The following PTPN4 variants were observed in gnomAD, a reference collection of about 807,000 sequenced individuals.
The protein encoded by PTPN4 is tyrosine-protein phosphatase non-receptor type 4.
In PTPN4, 49 loss-of-function variants were observed where a neutral mutation model predicts 135.5. The observed-to-expected ratio is 0.36, with a 90% CI of 0.29 to 0.46. The LOEUF (loss-of-function observed/expected upper bound fraction) is 0.46. PTPN4 is among the 20% of genes least tolerant of loss of function. The pLI, the probability that PTPN4 is intolerant of heterozygous loss-of-function variation, is 1.00. For missense variants in PTPN4, 860 were observed against 1,101.0 expected (o/e 0.78, Z 3.10); for synonymous variants, 333 against 369.9 (o/e 0.90, Z 1.14).
At chr2:119,966,492 A>G (rs1277291561) in intron 25 of PTPN4, among the ~76,000 whole-genome samples, 1 of 152,196 alleles carries the variant, frequency 6.6e-6, no homozygotes, top group Non-Finnish European at 1.5e-5. Context: ...TCCTGGGCTC[A>G]AGGGATCCAC....
Position 119,898,061 on chromosome 2 carries a change from A to G in PTPN4, c.676-2657A>G, listed in dbSNP as rs577851296. On this transcript the variant is annotated intron_variant, in intron 9 of 26. Transcript: ENST00000263708. ...GCATGTTAGTGTGTTTTGCAAAAGC[A>G]TCAGTAGCTGACAGATTGGAAACTT... Among the ~76,000 whole-genome samples the G allele has an allele frequency of 2.0e-5, 3 of 152,344 alleles. No individual in the cohort carries two copies. In the East Asian group the frequency reaches 5.8e-4, roughly 29 times the overall value.
At chr2:119,831,986 G>A (rs1289313277) in intron 2 of PTPN4, among the ~76,000 whole-genome samples, 3 of 152,008 alleles carry the variant, frequency 2.0e-5, no homozygotes, top group Non-Finnish European at 4.4e-5. Context: ...TTAAGTTATT[G>A]TTTTGTTTTT....
At chr2:119,950,521 C>G (rs991269267) in intron 18 of PTPN4, among the ~76,000 whole-genome samples, 1 of 152,190 alleles carries the variant, frequency 6.6e-6, no homozygotes, top group Non-Finnish European at 1.5e-5. Flanking sequence ...TCAGAAGCAG[C>G]AGAGTAACTT....
In PTPN4 at chr2:119,760,733, CTTT is replaced by C. The variant is rs59953430; in HGVS notation, c.-18+369_-18+371del. Among the ~76,000 whole-genome samples, 283 of 79,906 alleles carry C rather than the reference CTTT, an allele frequency of 3.5e-3. 1 individual carries two copies. The highest frequency in any genetic ancestry group is 0.013 in the Middle Eastern group (1 of 76). 52.4% of individuals were successfully genotyped at this position (79,906 alleles called of 152,430 possible). ...GAGTTTTCCATTGCTGGTAGAATTC[CTTT>C]TTTTTTTTTTTTTTTTTTTGGCTCA... On this transcript the variant is annotated intron_variant, in intron 1 of 26. Transcript: ENST00000263708.
chr2:119,942,265 A>G (rs190353188), intron 15 of PTPN4, among the ~76,000 whole-genome samples: 1 of 152,164 alleles, frequency 6.6e-6, no homozygotes, highest in African/African-American at 2.4e-5. Context: ...TGTCCCTCTC[A>G]TGTAACTGAG....
At chr2:119,873,668 G>A (rs1021599362) in intron 3 of PTPN4, among the ~76,000 whole-genome samples, 5 of 152,074 alleles carry the variant, frequency 3.3e-5, no homozygotes, top group African/African-American at 7.2e-5. Context: ...ATGTAGTACC[G>A]TCTCTTGTTA....
chr2:119,980,669 T>G lies in PTPN4; in HGVS notation c.*3599T>G, dbSNP rs1170656525. ...AAGCATACTCAGCCAATGTTTTCACTTAATAACTATGACAACCTTAAAGGA... is the reference window on the plus strand; with the variant it reads ...AAGCATACTCAGCCAATGTTTTCACGTAATAACTATGACAACCTTAAAGGA... On this transcript the variant is annotated 3_prime_UTR_variant, in exon 27 of 27. Coordinates refer to ENST00000263708, the MANE Select transcript of PTPN4 (RefSeq NM_002830.4). 6.6e-6 allele frequency: 1 copy of G among 152,062 alleles called. No individual in the cohort carries two copies. Among genetic ancestry groups the G allele is most frequent in the Non-Finnish European group, 1.5e-5 (1 of 67,932 alleles). 9.4% of individuals were successfully genotyped at this position (152,062 alleles called of 1,614,324 possible).
In PTPN4 at chr2:119,881,643, A is replaced by C; in HGVS notation, c.369-143A>C. 5.6e-6 allele frequency: 3 copies of C among 533,850 alleles called. 1 individual carries two copies. The South Asian group carries it at 1.3e-4, about 23-fold the overall frequency. 33.1% of individuals were successfully genotyped at this position (533,850 alleles called of 1,614,324 possible). A position where few individuals can be genotyped will look rare whatever the true frequency, so the allele number is the denominator to read the frequency against. On this transcript the variant is annotated intron_variant, in intron 5 of 26. Transcript: ENST00000263708. Reference sequence around the variant, plus strand: ...ATGAGCTTATGAAATCTTATTTTTAAACTACTTTACATGTTTTAATATGTA... The same window carrying C: ...ATGAGCTTATGAAATCTTATTTTTACACTACTTTACATGTTTTAATATGTA...
chr2:119,825,470 G>A (rs1677132957), intron 2 of PTPN4, among the ~76,000 whole-genome samples: 6 of 149,952 alleles, frequency 4.0e-5, no homozygotes, highest in Admixed American at 4.0e-4. Flanking sequence ...GTGCTAAGCA[G>A]TAGAGCCCAG....
At chr2:119,831,339 C>T (rs925761995) in intron 2 of PTPN4, among the ~76,000 whole-genome samples, 2 of 152,180 alleles carry the variant, frequency 1.3e-5, no homozygotes, top group Non-Finnish European at 2.9e-5. Context: ...GGGTTGGGGA[C>T]ACCTACAATA....
chr2:119,882,136 A>G lies in PTPN4; in HGVS notation c.453A>G (p.Ser151=), dbSNP rs1678089503. 3 of 1,609,820 alleles carry G rather than the reference A, an allele frequency of 1.9e-6. No homozygotes were observed. The highest frequency in any genetic ancestry group is 2.6e-6 in the Non-Finnish European group (3 of 1,176,380). Residue 151 remains serine (S), a synonymous_variant, in exon 7 of 27, where the codon TCA becomes TCG. Transcript: ENST00000263708. Reference sequence around the variant, plus strand: ...CTAATACTGCTGCCCTTTTAGCTTCATTTGCTGTTCAGTGTAAGTATCAGC... The same window carrying G: ...CTAATACTGCTGCCCTTTTAGCTTCGTTTGCTGTTCAGTGTAAGTATCAGC... ...CPSNTAALLA[S]FAVQSELGDY...
rs1470925193 is a variant in PTPN4, at chr2:119,900,762, A to T, written c.720A>T (p.Gly240=). Residue 240 remains glycine, a synonymous_variant, in exon 10 of 27, where the codon GGA becomes GGT. Transcript: ENST00000263708. ...TTATGATTGGAGTGATGTCAGGAGG[A>T]ATTCTGATTTATAAGAACAGGGTAC... The part of the protein sequence containing the change: ...NEIMIGVMSG[G]ILIYKNRVRM... 2 of 1,588,668 alleles carry T rather than the reference A, an allele frequency of 1.3e-6. No homozygotes were observed.
rs1679649935 is a variant in PTPN4 at position 119,978,545 on chromosome 2, G to A, written c.*1475G>A. 1.3e-5 allele frequency: 2 copies of A among 152,076 alleles called. No individual in the cohort carries two copies. The highest frequency in any genetic ancestry group is 4.8e-5 in the African/African-American group (2 of 41,420). The allele number at this position is 152,076 out of a possible 1,614,324, so 9.4% of individuals were successfully genotyped here. On this transcript the variant is annotated 3_prime_UTR_variant, in exon 27 of 27. Coordinates refer to ENST00000263708, the MANE Select transcript of PTPN4 (RefSeq NM_002830.4). ...TAATGGAGGATCTGATTCCCATTAAGGATGTGGGAATTCCCGTATTTTCCT... is the reference window on the plus strand; with the variant it reads ...TAATGGAGGATCTGATTCCCATTAAAGATGTGGGAATTCCCGTATTTTCCT...
chr2:119,820,127 CT>C (rs1413867306), intron 2 of PTPN4, among the ~76,000 whole-genome samples: 1 of 152,222 alleles, frequency 6.6e-6, no homozygotes, highest in Non-Finnish European at 1.5e-5. Context: ...TCCCACACTG[CT>C]GGAATTATAG....
intron 26 of PTPN4, among the ~76,000 whole-genome samples, chr2:119,975,682 G>A (rs114739731): frequency 0.029 from 4,438 of 152,128 alleles, 85 homozygotes; most frequent in Non-Finnish European, 0.044. Flanking sequence ...TCAAGATTGC[G>A]CCATTGAACT....
At chr2:119,941,726 C>T (rs1679064540) in intron 15 of PTPN4, among the ~76,000 whole-genome samples, 1 of 152,172 alleles carries the variant, frequency 6.6e-6, no homozygotes, top group Non-Finnish European at 1.5e-5. Context: ...CTTCATTCTC[C>T]TCACCTTTTC....
At chr2:119,785,536 G>A (rs1288779411) in intron 1 of PTPN4, among the ~76,000 whole-genome samples, 2 of 151,818 alleles carry the variant, frequency 1.3e-5, no homozygotes, top group Non-Finnish European at 2.9e-5. Context: ...TATTATTTTG[G>A]GTTCCATTTC....
intron 3 of PTPN4, among the ~76,000 whole-genome samples, chr2:119,863,719 A>G (rs1477660417): frequency 6.6e-6 from 1 of 152,118 alleles, no homozygotes; most frequent in African/African-American, 2.4e-5. Flanking sequence ...AAATACGAGG[A>G]TGACACAAAG....
chr2:119,967,036 A>G (rs1441146940), intron 25 of PTPN4, among the ~76,000 whole-genome samples: 4 of 152,266 alleles, frequency 2.6e-5, no homozygotes, highest in Non-Finnish European at 4.4e-5. Flanking sequence ...TTGAGAGGTA[A>G]AGTAGCAAGA....
Sources: allele counts gnomAD v4.1 joint callset (sites outside exome capture counted in the v4.1 genomes callset), GRCh38; gene constraint gnomAD v4.1.1; transcripts MANE v1.5; gene names NCBI Gene and HGNC (gene_info 2026-07-23, HGNC 2026-07-21).